The following SEMA3E variants were observed in gnomAD, a reference collection of about 807,000 sequenced individuals.
SEMA3E encodes semaphorin 3E, also known as semaphorin-3E.
SEMA3E carries 49 observed loss-of-function variants against 93.6 expected under a neutral mutation model. The observed-to-expected ratio is 0.52, with a 90% CI of 0.42 to 0.66. The LOEUF (loss-of-function observed/expected upper bound fraction) is 0.66, where lower values mean the gene tolerates loss of function less well. Ranked by LOEUF, SEMA3E falls within the 30% of genes least tolerant of loss-of-function variation. The pLI, the probability that SEMA3E is intolerant of heterozygous loss-of-function variation, is 0.00. For missense variants in SEMA3E, 906 were observed against 964.8 expected, an observed-to-expected ratio of 0.94 and a Z score of 0.81; for synonymous variants, 363 against 330.7, an observed-to-expected ratio of 1.10 and a Z score of -1.06.
intron 1 of SEMA3E, among the ~76,000 whole-genome samples, chr7:83,580,386 T>C (rs1318493197): frequency 6.6e-6 from 1 of 152,046 alleles, no homozygotes; most frequent in African/African-American, 2.4e-5. Context: ...TATAGAATCA[T>C]TCTAGATGGC....
chr7:83,383,248 ATT>A, intron 16 of SEMA3E, among the ~76,000 whole-genome samples: 1 of 149,822 alleles, frequency 6.7e-6, no homozygotes, highest in African/African-American at 2.4e-5. Context: ...CAAAATAAAG[ATT>A]TGATAAGAAA....
At chr7:83,512,436 G>C (rs1462595198) in intron 1 of SEMA3E, among the ~76,000 whole-genome samples, 1 of 152,168 alleles carries the variant, frequency 6.6e-6, no homozygotes, top group Non-Finnish European at 1.5e-5. Context: ...ACATGCCGTG[G>C]ATTAGCTACA....
At chr7:83,490,480 T>C (rs1005181828) in intron 1 of SEMA3E, among the ~76,000 whole-genome samples, 1 of 152,040 alleles carries the variant, frequency 6.6e-6, no homozygotes, top group African/African-American at 2.4e-5. Context: ...CAATTTAATA[T>C]GTAAGAAAAA....
intron 16 of SEMA3E, among the ~76,000 whole-genome samples, chr7:83,378,053 C>T (rs1787687536): frequency 1.3e-5 from 2 of 151,810 alleles, no homozygotes; most frequent in Admixed American, 1.3e-4. Flanking sequence ...ATAATTTTAA[C>T]AGTTTTGTCC....
intron 1 of SEMA3E, among the ~76,000 whole-genome samples, chr7:83,544,747 G>A (rs2097605967): frequency 6.6e-6 from 1 of 151,942 alleles, no homozygotes; most frequent in Admixed American, 6.6e-5. Context: ...CCTTGAAGTT[G>A]GCATTCTTAA....
intron 1 of SEMA3E, among the ~76,000 whole-genome samples, chr7:83,507,473 T>TGTGTGA (rs1491534015): frequency 4.3e-5 from 6 of 138,168 alleles, no homozygotes; most frequent in East Asian, 4.3e-4. Flanking sequence ...TGTGTGTGTG[T>TGTGTGA]GAAAGGGAGA....
intron 1 of SEMA3E, among the ~76,000 whole-genome samples, chr7:83,609,615 C>G (rs1267070339): frequency 6.6e-6 from 1 of 151,914 alleles, no homozygotes; most frequent in Non-Finnish European, 1.5e-5. Flanking sequence ...ACCATCATCT[C>G]CTACCTAAAC....
intron 1 of SEMA3E, among the ~76,000 whole-genome samples, chr7:83,563,325 A>C (rs998646476): frequency 4.3e-4 from 66 of 152,254 alleles, no homozygotes; most frequent in African/African-American, 1.5e-3. Flanking sequence ...AACAAAATAC[A>C]TTTCTCTGTA....
At chr7:83,574,653 C>T (rs749534955) in intron 1 of SEMA3E, among the ~76,000 whole-genome samples, 8 of 152,106 alleles carry the variant, frequency 5.3e-5, no homozygotes, top group Non-Finnish European at 1.0e-4. Flanking sequence ...CTCTTGGGGT[C>T]CCCCTTTCTT....
intron 1 of SEMA3E, among the ~76,000 whole-genome samples, chr7:83,615,625 C>CT (rs1202960146): frequency 6.6e-6 from 1 of 152,058 alleles, no homozygotes; most frequent in African/African-American, 2.4e-5. Context: ...TAATGTCACT[C>CT]TTTATACACG....
intron 1 of SEMA3E, among the ~76,000 whole-genome samples, chr7:83,648,135 CTG>C (rs1412753848): frequency 2.0e-5 from 3 of 152,044 alleles, no homozygotes; most frequent in Non-Finnish European, 4.4e-5. Flanking sequence ...TCCTCCCTTC[CTG>C]TGTTCCGCGG....
intron 1 of SEMA3E, among the ~76,000 whole-genome samples, chr7:83,611,961 T>A (rs1793275370): frequency 6.6e-6 from 1 of 152,090 alleles, no homozygotes; most frequent in African/African-American, 2.4e-5. Context: ...CCTTGCTGCT[T>A]TCATCTCCCA....
chr7:83,519,277 C>T (rs1790997981), intron 1 of SEMA3E, among the ~76,000 whole-genome samples: 1 of 152,050 alleles, frequency 6.6e-6, no homozygotes, highest in Non-Finnish European at 1.5e-5. Context: ...CAATTTCATC[C>T]ATGTCCCTAC....
At chr7:83,404,601 T>C (rs2709934) in intron 9 of SEMA3E, among the ~76,000 whole-genome samples, 76,819 of 151,830 alleles carry the variant, frequency 0.51, 22,321 homozygotes, top group East Asian at 0.85. Context: ...TGTCAAAATA[T>C]ATGAAATAAT....
At chr7:83,548,717 C>G (rs1178978543) in intron 1 of SEMA3E, among the ~76,000 whole-genome samples, 1 of 152,072 alleles carries the variant, frequency 6.6e-6, no homozygotes, top group Non-Finnish European at 1.5e-5. Context: ...GGCTGACAGC[C>G]TTAGTGCCTA....
intron 4 of SEMA3E, among the ~76,000 whole-genome samples, chr7:83,448,539 C>T (rs1010097548): frequency 6.6e-6 from 1 of 151,950 alleles, no homozygotes; most frequent in Non-Finnish European, 1.5e-5. Flanking sequence ...AAACAAAATC[C>T]AAGAAAGTCC....
intron 1 of SEMA3E, among the ~76,000 whole-genome samples, chr7:83,578,172 A>C (rs1792448086): frequency 6.6e-6 from 1 of 152,132 alleles, no homozygotes; most frequent in South Asian, 2.1e-4. Flanking sequence ...TTAAATGATA[A>C]AATAGTTTCA....
At chr7:83,620,975 G>A (rs1392445015) in intron 1 of SEMA3E, among the ~76,000 whole-genome samples, 2 of 152,024 alleles carry the variant, frequency 1.3e-5, no homozygotes, top group African/African-American at 4.8e-5. Context: ...AGTCAACATA[G>A]CATTGGAAGT....
At chr7:83,635,897 CTT>C (rs1189836310) in intron 1 of SEMA3E, among the ~76,000 whole-genome samples, 29 of 143,154 alleles carry the variant, frequency 2.0e-4, no homozygotes, top group African/African-American at 7.5e-4. Flanking sequence ...AAAAAAAAAT[CTT>C]GCTTTGGTCA....
Sources: gnomAD v4.1 joint callset for allele counts (sites outside exome capture counted in the v4.1 genomes callset) on GRCh38, gnomAD v4.1.1 for gene constraint, MANE v1.5 for transcripts, NCBI Gene and HGNC (gene_info 2026-07-23, HGNC 2026-07-21) for gene names.